The following RFFL variants were observed in gnomAD, a reference collection of about 807,000 sequenced individuals.
RFFL encodes ring finger and FYVE like domain containing E3 ubiquitin protein ligase, also known as E3 ubiquitin-protein ligase rififylin.
In RFFL, 16 loss-of-function variants were observed where a neutral mutation model predicts 40.4. The observed-to-expected ratio is 0.40, with a 90% CI of 0.27 to 0.60. The LOEUF (loss-of-function observed/expected upper bound fraction) is 0.60, where lower values mean the gene tolerates loss of function less well. Among genes scored for constraint, RFFL ranks in the 20% least tolerant of loss-of-function variants. The pLI is 0.47. For missense variants in RFFL, 367 were observed against 451.7 expected, an observed-to-expected ratio of 0.81 and a Z score of 1.70; for synonymous variants, 154 against 167.9, an observed-to-expected ratio of 0.92 and a Z score of 0.64.
intron 1 of RFFL, chr17:35,069,251 G>C: frequency 2.2e-6 from 1 of 456,522 alleles, no homozygotes; most frequent in South Asian, 1.5e-5. Flanking sequence ...CTTCCTAAAC[G>C]TCTACCCTGG....
At chr17:35,049,017 T>C (rs765869839) in intron 1 of RFFL, among the ~76,000 whole-genome samples, 18 of 152,216 alleles carry the variant, frequency 1.2e-4, no homozygotes, top group Non-Finnish European at 1.9e-4. Context: ...ATTTTCACCA[T>C]ATTCTCTCCT....
In RFFL at chr17:35,009,977, G is replaced by A. The variant is rs1202383792; in HGVS notation, c.*1991C>T. 6.6e-6 allele frequency: 1 copy of A among 152,640 alleles called. No homozygotes were observed. Among genetic ancestry groups the A allele is most frequent in the East Asian group, 1.9e-4 (1 of 5,208 alleles). 9.5% of individuals were successfully genotyped at this position (152,640 alleles called of 1,614,324 possible). ...CAAAAGTGGAAAGGGATGTCTTCATGAGCAAATCTGATTCCCCCAACTCCT... is the reference window on the plus strand; with the variant it reads ...CAAAAGTGGAAAGGGATGTCTTCATAAGCAAATCTGATTCCCCCAACTCCT... On this transcript the variant is annotated 3_prime_UTR_variant, in exon 7 of 7. Transcript: ENST00000394597.
At position 35,011,396 on chromosome 17, in the gene RFFL, A is replaced by ACTGGT. The variant is rs2090937079; in HGVS notation, c.*567_*571dup. The stretch of plus-strand genomic sequence containing the variant: ...TTCATTTCTCACCAAAGATAAGTTT[A>ACTGGT]CTGGTCTAAAATCTGTCCTAAGGAC... On this transcript the variant is annotated 3_prime_UTR_variant, in exon 7 of 7. Coordinates refer to ENST00000394597, the MANE Select transcript of RFFL (RefSeq NM_001017368.2). The ACTGGT allele has an allele frequency of 6.6e-6, 1 of 152,258 alleles. No homozygotes were observed. The highest frequency in any genetic ancestry group is 2.4e-5 in the African/African-American group (1 of 41,458). The allele number at this position is 152,258 out of a possible 1,614,324, so 9.4% of individuals were successfully genotyped here.
chr17:35,035,275 G>A (rs890327276), intron 1 of RFFL, among the ~76,000 whole-genome samples: 1 of 152,010 alleles, frequency 6.6e-6, no homozygotes, highest in Non-Finnish European at 1.5e-5. Context: ...CGGGCATGGT[G>A]GCACATGCCT....
At chr17:35,056,583 G>C (rs940110480) in intron 1 of RFFL, among the ~76,000 whole-genome samples, 3 of 151,928 alleles carry the variant, frequency 2.0e-5, no homozygotes, top group Non-Finnish European at 4.4e-5. Context: ...CTCCATGTTG[G>C]TCAGGCTGGT....
At chr17:35,050,656 C>A (rs1432211788) in intron 1 of RFFL, among the ~76,000 whole-genome samples, 12 of 148,918 alleles carry the variant, frequency 8.1e-5, no homozygotes, top group Non-Finnish European at 1.3e-4. Context: ...ACTCCCCAGG[C>A]TCTACAAAAA....
intron 1 of RFFL, among the ~76,000 whole-genome samples, chr17:35,086,408 G>A (rs2091429681): frequency 1.3e-5 from 2 of 151,832 alleles, no homozygotes; most frequent in African/African-American, 2.4e-5. Context: ...AGCCCAGGAG[G>A]CAAGGTTGCA....
intron 1 of RFFL, among the ~76,000 whole-genome samples, chr17:35,061,959 C>A (rs1279332747): frequency 6.6e-6 from 1 of 151,642 alleles, no homozygotes; most frequent in Admixed American, 6.6e-5. Context: ...GGATTACAGG[C>A]GTGAGCCACC....
intron 1 of RFFL, among the ~76,000 whole-genome samples, chr17:35,048,073 C>T (rs918071307): frequency 1.3e-5 from 2 of 152,036 alleles, no homozygotes; most frequent in African/African-American, 2.4e-5. Flanking sequence ...TTTAAAAAGA[C>T]GTTTATCAGT....
upstream of RFFL, among the ~76,000 whole-genome samples, chr17:35,066,592 A>G (rs906176396): frequency 6.6e-5 from 10 of 152,188 alleles, no homozygotes; most frequent in African/African-American, 2.4e-4. Context: ...TTCAGTTAAA[A>G]TTTTAAAGTT....
At chr17:35,081,520 C>T (rs2091403041) in intron 1 of RFFL, among the ~76,000 whole-genome samples, 1 of 152,160 alleles carries the variant, frequency 6.6e-6, no homozygotes, top group South Asian at 2.1e-4. Context: ...AAATGGCACA[C>T]ATTTCCTCAA....
intron 1 of RFFL, among the ~76,000 whole-genome samples, chr17:35,077,728 T>C (rs1376851918): frequency 6.6e-6 from 1 of 152,220 alleles, no homozygotes; most frequent in African/African-American, 2.4e-5. Context: ...GATCAACCCA[T>C]GGCCTCCGGG....
At chr17:35,048,110 A>T (rs940152902) in intron 1 of RFFL, among the ~76,000 whole-genome samples, 3 of 152,110 alleles carry the variant, frequency 2.0e-5, no homozygotes, top group Non-Finnish European at 2.9e-5. Context: ...TCTGCTTTTT[A>T]AAAATTTAGG....
chr17:35,048,464 A>T (rs1597830237), intron 1 of RFFL, among the ~76,000 whole-genome samples: 1 of 152,312 alleles, frequency 6.6e-6, no homozygotes, highest in South Asian at 2.1e-4. Flanking sequence ...ACCTCTAATC[A>T]GGTTCAGTTT....
chr17:35,052,880 C>G (rs750559286), intron 1 of RFFL, among the ~76,000 whole-genome samples: 5 of 152,180 alleles, frequency 3.3e-5, no homozygotes, highest in Non-Finnish European at 7.3e-5. Flanking sequence ...CTATGAGACT[C>G]AGGAAGAAGT....
At chr17:35,029,850 C>T (rs190968552) in intron 1 of RFFL, among the ~76,000 whole-genome samples, 15 of 136,848 alleles carry the variant, frequency 1.1e-4, no homozygotes, top group South Asian at 2.5e-4. Flanking sequence ...CCTCCCCCAA[C>T]GCCACGACAG....
chr17:35,068,184 A>G (rs577469496), upstream of RFFL, among the ~76,000 whole-genome samples: 5 of 152,362 alleles, frequency 3.3e-5, no homozygotes, highest in South Asian at 1.0e-3. Flanking sequence ...GGTTGAAAGT[A>G]GAGGCTTTTG....
chr17:35,029,584 G>A (rs867626197), intron 1 of RFFL, among the ~76,000 whole-genome samples: 5 of 147,342 alleles, frequency 3.4e-5, no homozygotes, highest in Middle Eastern at 3.5e-3. Flanking sequence ...GCAGTGGCAT[G>A]ATCTCAGCTC....
At chr17:35,047,534 T>C (rs927123610) in intron 1 of RFFL, among the ~76,000 whole-genome samples, 2 of 151,588 alleles carry the variant, frequency 1.3e-5, no homozygotes, top group Non-Finnish European at 2.9e-5. Flanking sequence ...AAGGTTGTTT[T>C]TGTTGTTGTT....
Sources: allele counts gnomAD v4.1 joint callset (sites outside exome capture counted in the v4.1 genomes callset), GRCh38; gene constraint gnomAD v4.1.1; transcripts MANE v1.5; gene names NCBI Gene and HGNC (gene_info 2026-07-23, HGNC 2026-07-21).